Variants in SATL1 observed in about 807,000 individuals in gnomAD.
The protein encoded by SATL1 is spermidine/spermine N1-acetyl transferase like 1.
SATL1 carries 47 observed loss-of-function variants against 51.8 expected under a neutral mutation model. The ratio of observed to expected loss-of-function variants is 0.91; its 90% confidence interval spans 0.72 to 1.16. The LOEUF (loss-of-function observed/expected upper bound fraction) is 1.16, where lower values mean the gene tolerates loss of function less well. Among genes scored for constraint, SATL1 ranks in the 50% most tolerant of loss-of-function variants. SATL1 has a pLI of 0.00. For missense variants in SATL1, 520 were observed against 526.4 expected (o/e 0.99, Z 0.12); for synonymous variants, 176 against 182.4 (o/e 0.97, Z 0.28).
chrX:85,095,865 G>A (rs1425212223), intron 4 of SATL1, among the ~76,000 whole-genome samples: 1 of 101,090 alleles, frequency 9.9e-6, no homozygotes, highest in East Asian at 3.3e-4. Flanking sequence ...ATGGAGAGGG[G>A]ACCTGAGAAC....
At chrX:85,191,755 C>A (rs1927445341) in intron 2 of SATL1, among the ~76,000 whole-genome samples, 1 of 111,457 alleles carries the variant, frequency 9.0e-6, no homozygotes, top group South Asian at 3.7e-4. Flanking sequence ...AGGTCTTCAT[C>A]TTTGTTGTCT....
intron 2 of SATL1, among the ~76,000 whole-genome samples, chrX:85,203,077 C>T (rs1440192909): frequency 6.3e-5 from 7 of 111,088 alleles, no homozygotes; most frequent in Admixed American, 9.5e-5. Flanking sequence ...AGGGCTGCTG[C>T]GGTATGCTTG....
intron 2 of SATL1, among the ~76,000 whole-genome samples, chrX:85,145,742 T>C (rs914203845): frequency 9.0e-6 from 1 of 111,157 alleles, no homozygotes; most frequent in Non-Finnish European, 1.9e-5. Context: ...TCTTTTCATG[T>C]CAGCTATGAC....
At chrX:85,178,554 T>C (rs1229673196) in intron 2 of SATL1, among the ~76,000 whole-genome samples, 1 of 104,046 alleles carries the variant, frequency 9.6e-6, no homozygotes, top group Non-Finnish European at 2.0e-5. Flanking sequence ...CTGGCTTTTG[T>C]CAAAAGTTTT....
chrX:85,108,774 G>T lies in SATL1; in HGVS notation c.195C>A (p.Asn65Lys). The change falls in exon 3 of 8, where the codon AAC becomes AAA. Residue 65 changes from asparagine to lysine, a missense_variant. Asn to Lys is a moderately conservative substitution (Grantham distance 94, BLOSUM62 0). Coordinates refer to ENST00000644105, the MANE Select transcript of SATL1 (RefSeq NM_001367857.2). ...TGTCGGGTTGGTTTATGTCTGGTAG[G>T]TTTGTACCTGATTGCCTCATGCCAG... Reference protein sequence around the residue: ...SQAGMRQSGTNLPDINQPDMK... With the variant: ...SQAGMRQSGTKLPDINQPDMK... The T allele has an allele frequency of 9.1e-6, 11 of 1,210,676 alleles. No individual in the cohort carries two copies. The highest frequency in any genetic ancestry group is 1.0e-5 in the Non-Finnish European group (9 of 895,040).
chrX:85,185,637 C>T (rs1000828557), intron 2 of SATL1, among the ~76,000 whole-genome samples: 7 of 111,691 alleles, frequency 6.3e-5, no homozygotes, highest in Admixed American at 3.8e-4. Context: ...CACTGCCTGG[C>T]TACCACTGAT....
At chrX:85,232,969 T>C (rs1433600089) in intron 1 of SATL1, among the ~76,000 whole-genome samples, 1 of 111,781 alleles carries the variant, frequency 8.9e-6, no homozygotes, top group African/African-American at 3.3e-5. Flanking sequence ...CAGGTAGTGG[T>C]TACCGCAGGC....
chrX:85,146,849 C>T (rs1047102145), intron 2 of SATL1, among the ~76,000 whole-genome samples: 3 of 112,533 alleles, frequency 2.7e-5, no homozygotes, highest in Non-Finnish European at 3.8e-5. Context: ...ACCAAGATGG[C>T]CGAATAGGAA....
intron 2 of SATL1, among the ~76,000 whole-genome samples, chrX:85,169,996 C>A (rs1384883306): frequency 4.5e-5 from 5 of 111,041 alleles, no homozygotes; most frequent in Non-Finnish European, 9.5e-5. Flanking sequence ...AGGTCATTAT[C>A]CTTAGCAAAC....
In SATL1 at chrX:85,094,966, G is replaced by C; in HGVS notation, c.1724C>G (p.Pro575Arg). Reference protein sequence around the residue: ...DLLRDGFGDNPLFYCLIAEVN... With the variant: ...DLLRDGFGDNRLFYCLIAEVN... ...TTCTGCAATCAGGCAGTAGAAAAGG[G>C]GATTGTCCCCAAAGCCATCTCTGAG... The change falls in exon 5 of 8, where the codon CCC (proline) becomes CGC (arginine). Residue 575 changes from proline to arginine, a missense_variant. Transcript: ENST00000644105. 2 of 1,174,267 alleles carry C rather than the reference G, an allele frequency of 1.7e-6. No homozygotes were observed. The highest frequency in any genetic ancestry group is 2.3e-6 in the Non-Finnish European group (2 of 863,804).
chrX:85,220,644 T>TAAAAAAAAAA lies in SATL1; in HGVS notation c.-313+3551_-313+3560dup, dbSNP rs57383092. Among the ~76,000 whole-genome samples the TAAAAAAAAAA allele has an allele frequency of 7.0e-4, 17 of 24,164 alleles. 5 individuals carry two copies. Among genetic ancestry groups the TAAAAAAAAAA allele is most frequent in the African/African-American group, 1.6e-3 (10 of 6,352 alleles). The allele number at this position is 24,164 out of a possible 115,157, so 21.0% of individuals were successfully genotyped here. A position where few individuals can be genotyped will look rare whatever the true frequency, so the allele number is the denominator to read the frequency against. ...TAGCTCCCAGGCAGCACTTCTGTGT[T>TAAAAAAAAAA]AAAAAAAAAAAAAAAAAAAAAAAAA... is the stretch of plus-strand genomic sequence containing the variant. On this transcript the variant is annotated intron_variant, in intron 2 of 7. Coordinates refer to ENST00000644105, the MANE Select transcript of SATL1 (RefSeq NM_001367857.2).
intron 2 of SATL1, among the ~76,000 whole-genome samples, chrX:85,121,905 T>G (rs1172860413): frequency 9.1e-6 from 1 of 110,239 alleles, no homozygotes; most frequent in Non-Finnish European, 1.9e-5. Flanking sequence ...TATAAGATGC[T>G]GGATATGTTA....
intron 2 of SATL1, among the ~76,000 whole-genome samples, chrX:85,149,556 A>G (rs1321999822): frequency 7.2e-5 from 8 of 111,690 alleles, no homozygotes; most frequent in African/African-American, 2.6e-4. Context: ...TTGACCACAT[A>G]GTTGGAAGTA....
intron 2 of SATL1, among the ~76,000 whole-genome samples, chrX:85,179,065 G>C (rs1157019439): frequency 1.8e-5 from 2 of 111,871 alleles, no homozygotes; most frequent in East Asian, 5.6e-4. Context: ...TTACCCACTA[G>C]GCACATGTGG....
chrX:85,169,332 A>G (rs756343129), intron 2 of SATL1, among the ~76,000 whole-genome samples: 6 of 111,657 alleles, frequency 5.4e-5, no homozygotes, highest in Non-Finnish European at 1.1e-4. Flanking sequence ...AAGTAAGCAG[A>G]TGACCTATAG....
At chrX:85,135,212 C>T (rs768701004) in intron 2 of SATL1, among the ~76,000 whole-genome samples, 130 of 110,989 alleles carry the variant, frequency 1.2e-3, no homozygotes, top group African/African-American at 4.0e-3. Context: ...GGAAGAATAG[C>T]TAATGAATGC....
intron 2 of SATL1, among the ~76,000 whole-genome samples, chrX:85,114,356 AT>A (rs1182169580): frequency 6.3e-5 from 7 of 111,475 alleles, no homozygotes; most frequent in Admixed American, 2.9e-4. Context: ...TCAGTCCTCT[AT>A]TTGTTCACTG....
chrX:85,139,974 GT>G (rs1926070035), intron 2 of SATL1, among the ~76,000 whole-genome samples: 2 of 111,592 alleles, frequency 1.8e-5, no homozygotes, highest in Admixed American at 9.6e-5. Context: ...TAGCACCCCA[GT>G]GTCCCCTTCT....
chrX:85,109,348 C>A, intron 2 of SATL1, 68 bp from the exon 3 acceptor site: 1 of 222,353 alleles, frequency 4.5e-6, no homozygotes, highest in Admixed American at 6.4e-5. Flanking sequence ...CCAGCCCGCC[C>A]CTGCATGGTC....
Sources: gnomAD v4.1 joint callset for allele counts (sites outside exome capture counted in the v4.1 genomes callset) on GRCh38, gnomAD v4.1.1 for gene constraint, MANE v1.5 for transcripts, NCBI Gene and HGNC (gene_info 2026-07-23, HGNC 2026-07-21) for gene names.